Variants in SPAG16 observed in about 807,000 individuals in gnomAD.
SPAG16 encodes sperm associated antigen 16, also known as sperm-associated antigen 16 protein.
A neutral mutation model predicts 80.4 loss-of-function variants in SPAG16; 86 were observed. The observed-to-expected ratio is 1.07, with a 90% confidence interval of 0.90 to 1.28. SPAG16 has a LOEUF of 1.28. Ranked by LOEUF, SPAG16 falls within the 50% of genes most tolerant of loss-of-function variation. The pLI is 0.00. For missense variants in SPAG16, 870 were observed against 765.3 expected (o/e 1.14, Z -1.61); for synonymous variants, 294 against 265.9 (o/e 1.11, Z -1.03).
intron 10 of SPAG16, among the ~76,000 whole-genome samples, chr2:213,658,479 T>G (rs1156850406): frequency 2.0e-5 from 3 of 152,092 alleles, no homozygotes; most frequent in Non-Finnish European, 4.4e-5. Flanking sequence ...CCCTGTACCT[T>G]AAGGAGCAAG....
intron 10 of SPAG16, among the ~76,000 whole-genome samples, chr2:213,662,393 A>C (rs2125187798): frequency 6.6e-6 from 1 of 152,294 alleles, no homozygotes; most frequent in African/African-American, 2.4e-5. Context: ...GGAAAAAACG[A>C]AAGGCAATAG....
chr2:213,541,166 T>G (rs1449597341), intron 10 of SPAG16, among the ~76,000 whole-genome samples: 3 of 152,158 alleles, frequency 2.0e-5, no homozygotes, highest in Non-Finnish European at 4.4e-5. Context: ...ATGGGGGCCA[T>G]GAGGAAACGG....
At chr2:213,703,950 G>A (rs947841949) in intron 10 of SPAG16, among the ~76,000 whole-genome samples, 6 of 152,134 alleles carry the variant, frequency 3.9e-5, no homozygotes, top group East Asian at 1.9e-4. Flanking sequence ...TCAGCTCAGC[G>A]TCTGTTTCTG....
At chr2:213,921,282 T>C (rs1444605004) in intron 11 of SPAG16, among the ~76,000 whole-genome samples, 1 of 152,216 alleles carries the variant, frequency 6.6e-6, no homozygotes, top group Non-Finnish European at 1.5e-5. Context: ...CTTTAGCTTA[T>C]TTGGTCTTTG....
chr2:213,566,858 C>T (rs908347971), intron 10 of SPAG16, among the ~76,000 whole-genome samples: 9 of 152,166 alleles, frequency 5.9e-5, no homozygotes, highest in African/African-American at 2.2e-4. Flanking sequence ...ATGGTACACA[C>T]TGTTATATTT....
chr2:213,950,936 T>C (rs2079738511), intron 12 of SPAG16, among the ~76,000 whole-genome samples: 2 of 151,702 alleles, frequency 1.3e-5, no homozygotes, highest in Admixed American at 1.3e-4. Context: ...TGGCCTTGAA[T>C]TCCTGTGCTT....
At chr2:213,666,043 C>T (rs1356435707) in intron 10 of SPAG16, among the ~76,000 whole-genome samples, 1 of 152,128 alleles carries the variant, frequency 6.6e-6, no homozygotes, top group African/African-American at 2.4e-5. Flanking sequence ...GGCGTGAAAG[C>T]ACTGTGAGCA....
intron 10 of SPAG16, among the ~76,000 whole-genome samples, chr2:213,560,289 T>A (rs754686975): frequency 3.3e-5 from 5 of 152,098 alleles, no homozygotes; most frequent in Admixed American, 2.0e-4. Context: ...TGGGAAAAGA[T>A]AAAGCTAGAA....
intron 15 of SPAG16, among the ~76,000 whole-genome samples, chr2:214,246,344 G>A (rs1174890149): frequency 1.3e-5 from 2 of 152,046 alleles, no homozygotes; most frequent in African/African-American, 4.8e-5. Context: ...ACAATGTCAC[G>A]ATGACATTCC....
chr2:213,889,716 T>TGCATATATATATACATATATATATAC lies in SPAG16; in HGVS notation c.1214+27089_1214+27114dup, dbSNP rs1264009903. Among the ~76,000 whole-genome samples the TGCATATATATATACATATATATATAC allele has an allele frequency of 4.9e-3, 672 of 135,908 alleles. 7 individuals are homozygous for TGCATATATATATACATATATATATAC. Among genetic ancestry groups the TGCATATATATATACATATATATATAC allele is most frequent in the African/African-American group, 0.016 (647 of 39,526 alleles). The allele number at this position is 135,908 out of a possible 152,430, so 89.2% of individuals were successfully genotyped here. ...ATATATATACACATATATATACATA[T>TGCATATATATATACATATATATATAC]GCATATATATATACATATATATATA... On this transcript the variant is annotated intron_variant, in intron 11 of 15. Coordinates refer to ENST00000331683, the MANE Select transcript of SPAG16 (RefSeq NM_024532.5).
intron 13 of SPAG16, among the ~76,000 whole-genome samples, chr2:214,036,765 G>C (rs2048719206): frequency 6.6e-6 from 1 of 152,138 alleles, no homozygotes; most frequent in Non-Finnish European, 1.5e-5. Flanking sequence ...CTACTCAGTA[G>C]CATTCAGTAT....
rs546813381 is a variant in SPAG16 at position 214,174,254 on chromosome 2, A to G, written c.1720+24988A>G. 3.1e-3 allele frequency among the ~76,000 whole-genome samples: 464 copies of G among 152,096 alleles called. 6 individuals are homozygous for G. Among genetic ancestry groups the G allele is most frequent in the Middle Eastern group, 0.02 (6 of 294 alleles). ...GGGCAATTAGACAGGAGAAGGAAAT[A>G]AAGGGTATTCAATTAGGAAAAGAGG... On this transcript the variant is annotated intron_variant, in intron 15 of 15. Coordinates refer to ENST00000331683, the MANE Select transcript of SPAG16 (RefSeq NM_024532.5).
chr2:214,029,774 A>G (rs768514033), intron 13 of SPAG16, among the ~76,000 whole-genome samples: 2 of 152,152 alleles, frequency 1.3e-5, no homozygotes, highest in Non-Finnish European at 2.9e-5. Context: ...ACAAAAATAA[A>G]TAAAACGTAT....
At chr2:213,874,339 CA>C (rs1321450665) in intron 11 of SPAG16, among the ~76,000 whole-genome samples, 1 of 152,102 alleles carries the variant, frequency 6.6e-6, no homozygotes, top group Admixed American at 6.6e-5. Context: ...ATTTTGTTAA[CA>C]GTTTGAAACA....
At position 214,258,471 on chromosome 2, in the gene SPAG16, G is replaced by GTGTGTGTGTGTATATATATATATATA. The variant is rs1553539128; in HGVS notation, c.1720+109206_1720+109207insGTGTGTGTGTATATATATATATATAT. ...ACAGTGTGTGTATGTATGTGTGTGT[G>GTGTGTGTGTGTATATATATATATATA]TATATATATATATATATATACACAC... On this transcript the variant is annotated intron_variant, in intron 15 of 15. Coordinates refer to ENST00000331683, the MANE Select transcript of SPAG16 (RefSeq NM_024532.5). Among the ~76,000 whole-genome samples the GTGTGTGTGTGTATATATATATATATA allele has an allele frequency of 2.9e-3, 406 of 141,382 alleles. 5 individuals are homozygous for GTGTGTGTGTGTATATATATATATATA. Among genetic ancestry groups the GTGTGTGTGTGTATATATATATATATA allele is most frequent in the Non-Finnish European group, 5.0e-3 (327 of 65,568 alleles). The allele number at this position is 141,382 out of a possible 152,430, so 92.8% of individuals were successfully genotyped here. A position where few individuals can be genotyped will look rare whatever the true frequency, so the allele number is the denominator to read the frequency against.
At chr2:213,333,898 T>A (rs1287875409) in intron 5 of SPAG16, among the ~76,000 whole-genome samples, 1 of 152,066 alleles carries the variant, frequency 6.6e-6, no homozygotes, top group African/African-American at 2.4e-5. Flanking sequence ...CTCAATGACA[T>A]TGGTCTAGGC....
chr2:214,061,959 C>A (rs1172405713), intron 13 of SPAG16, among the ~76,000 whole-genome samples: 1 of 140,244 alleles, frequency 7.1e-6, no homozygotes, highest in African/African-American at 2.6e-5. Context: ...AGGAAAATAG[C>A]ATACATAATG....
intron 10 of SPAG16, among the ~76,000 whole-genome samples, chr2:213,800,094 A>G (rs964336371): frequency 2.6e-5 from 4 of 152,162 alleles, no homozygotes; most frequent in African/African-American, 7.2e-5. Context: ...TGTATAAAGT[A>G]TGGGAGACTA....
At position 213,358,494 on chromosome 2, in the gene SPAG16, A is replaced by G. The variant is rs190063480; in HGVS notation, c.763-5582A>G. 2.0e-5 allele frequency among the ~76,000 whole-genome samples: 3 copies of G among 152,154 alleles called. No individual in the cohort carries two copies. In the East Asian group the frequency reaches 5.8e-4, roughly 29 times the overall value. ...TTCTCTAATCTTGTCTTCTCACTTT[A>G]TTTCATTAAGTCGATCTTCAATCAC... is the stretch of plus-strand genomic sequence containing the variant. On this transcript the variant is annotated intron_variant, in intron 7 of 15. Coordinates refer to ENST00000331683, the MANE Select transcript of SPAG16 (RefSeq NM_024532.5).
Sources: allele counts gnomAD v4.1 joint callset (sites outside exome capture counted in the v4.1 genomes callset), GRCh38; gene constraint gnomAD v4.1.1; transcripts MANE v1.5; gene names NCBI Gene and HGNC (gene_info 2026-07-23, HGNC 2026-07-21).